Variants in MATCAP1 observed in about 807,000 individuals in gnomAD.
MATCAP1 encodes the protein microtubule associated tyrosine carboxypeptidase 1.
the MATCAP1 span, chr16:67,179,630 G>A: frequency 1.3e-6 from 2 of 1,520,392 alleles, no homozygotes; most frequent in Non-Finnish European, 1.8e-6. This position sits in a 1 kb window ranked among gnomAD's most constrained non-coding sequence, Gnocchi z 5.2. Flanking sequence ...ACCCAATGAT[G>A]CCACAGGGCA....
At chr16:67,178,430 G>A in the MATCAP1 span, 1 of 1,539,090 alleles carries the variant, frequency 6.5e-7, no homozygotes, top group Non-Finnish European at 8.7e-7. Flanking sequence ...GCCGGCCGCA[G>A]CCCGTACCGC....
At chr16:67,179,580 C>T in the MATCAP1 span, 1 of 1,606,144 alleles carries the variant, frequency 6.2e-7, no homozygotes. This position sits in a 1 kb window ranked among gnomAD's most constrained non-coding sequence, Gnocchi z 5.2. Context: ...TGGCAGTGCT[C>T]TGAGCCATGG....
chr16:67,180,599 G>A, the MATCAP1 span: 1 of 1,516,928 alleles, frequency 6.6e-7, no homozygotes, highest in African/African-American at 1.4e-5. Context: ...GAGCCCCTGA[G>A]TCCAGCACCA....
At chr16:67,181,989 G>A in the MATCAP1 span, among the ~76,000 whole-genome samples, 5 of 152,254 alleles carry the variant, frequency 3.3e-5, no homozygotes, top group Admixed American at 1.3e-4. Flanking sequence ...GGTGGCTCAC[G>A]CCTGTAATCC....
At chr16:67,180,486 G>A in the MATCAP1 span, 1 of 1,600,344 alleles carries the variant, frequency 6.2e-7, no homozygotes, top group South Asian at 1.1e-5. Flanking sequence ...CAGGGACTGA[G>A]ACCAGGGGTA....
the MATCAP1 span, chr16:67,175,762 G>C: frequency 6.6e-6 from 1 of 152,254 alleles, no homozygotes; most frequent in South Asian, 2.1e-4. Flanking sequence ...TTTACAGATG[G>C]GAAAACTAAG....
At chr16:67,181,206 A>C in the MATCAP1 span, among the ~76,000 whole-genome samples, 16 of 152,214 alleles carry the variant, frequency 1.1e-4, no homozygotes, top group South Asian at 3.3e-3. Context: ...AGGTGAGAAG[A>C]CCTCAGGGAC....
chr16:67,176,764 A>C, the MATCAP1 span: 7 of 1,487,660 alleles, frequency 4.7e-6, no homozygotes, highest in Non-Finnish European at 6.3e-6. The surrounding 1 kb of genome is among the most constrained non-coding windows in gnomAD (Gnocchi z 4.3). Flanking sequence ...CTAGGGGCCT[A>C]TCTGGAGCTT....
the MATCAP1 span, chr16:67,180,814 C>T: frequency 2.3e-6 from 1 of 427,028 alleles, no homozygotes; most frequent in African/African-American, 2.0e-5. Flanking sequence ...CGTCCATTGC[C>T]TCCAGCAGAC....
At chr16:67,178,831 A>G in the MATCAP1 span, 1 of 622,338 alleles carries the variant, frequency 1.6e-6, no homozygotes, top group African/African-American at 1.8e-5. Context: ...GGGCACAAGA[A>G]TACATATACC....
chr16:67,178,961 A>G, the MATCAP1 span: 1 of 412,830 alleles, frequency 2.4e-6, no homozygotes, highest in Non-Finnish European at 4.4e-6. Context: ...ACAGATAGGA[A>G]TAGTGGTTAG....
At chr16:67,178,316 C>T in the MATCAP1 span, 1 of 1,582,420 alleles carries the variant, frequency 6.3e-7, no homozygotes, top group Non-Finnish European at 8.6e-7. Context: ...GACATGCGCG[C>T]GGCGCGGTGG....
chr16:67,177,697 CA>C, the MATCAP1 span, among the ~76,000 whole-genome samples: 1 of 152,236 alleles, frequency 6.6e-6, no homozygotes, highest in Non-Finnish European at 1.5e-5. Flanking sequence ...CGGCCTGGCA[CA>C]AATGCCAGTG....
the MATCAP1 span, among the ~76,000 whole-genome samples, chr16:67,177,416 G>A: frequency 1.3e-5 from 2 of 152,214 alleles, no homozygotes; most frequent in African/African-American, 4.8e-5. Context: ...TAGCCGCTGA[G>A]TTAAAAGTAT....
At chr16:67,176,916 C>T in the MATCAP1 span, 1 of 1,609,102 alleles carries the variant, frequency 6.2e-7, no homozygotes, top group South Asian at 1.1e-5. This position sits in a 1 kb window ranked among gnomAD's most constrained non-coding sequence, Gnocchi z 4.3. Context: ...TGAAGTGGGG[C>T]ACCCGGGTAT....
the MATCAP1 span, chr16:67,178,460 G>A: frequency 2.6e-6 from 4 of 1,533,600 alleles, no homozygotes; most frequent in African/African-American, 1.4e-5. Flanking sequence ...TCCGCGTTGT[G>A]CCACGGCTGG....
At chr16:67,178,298 G>C in the MATCAP1 span, 3 of 1,581,912 alleles carry the variant, frequency 1.9e-6, no homozygotes, top group Non-Finnish European at 1.7e-6. Flanking sequence ...TGGAAGAGCT[G>C]ACGGAAGGAC....
the MATCAP1 span, among the ~76,000 whole-genome samples, chr16:67,182,667 G>A: frequency 6.6e-6 from 1 of 152,188 alleles, no homozygotes; most frequent in Non-Finnish European, 1.5e-5. Flanking sequence ...ATGTTTAATA[G>A]GCATATCAAA....
the MATCAP1 span, chr16:67,179,158 CTG>C: frequency 7.9e-7 from 1 of 1,269,940 alleles, no homozygotes; most frequent in Non-Finnish European, 1.0e-6. This position sits in a 1 kb window ranked among gnomAD's most constrained non-coding sequence, Gnocchi z 5.2. Flanking sequence ...CTTGCCCGCA[CTG>C]TTGGGAGAAG....
Sources: allele counts gnomAD v4.1 joint callset (sites outside exome capture counted in the v4.1 genomes callset), GRCh38; gene constraint gnomAD v4.1.1; non-coding constraint Gnocchi (gnomAD v3.1); transcripts MANE v1.5; gene names NCBI Gene and HGNC (gene_info 2026-07-23, HGNC 2026-07-21).